Variants in GRIK2 observed in about 807,000 individuals in gnomAD.
GRIK2 encodes the protein glutamate receptor ionotropic, kainate 2.
GRIK2 carries 32 observed loss-of-function variants against 100.3 expected under a neutral mutation model. The ratio of observed to expected loss-of-function variants is 0.32; its 90% CI spans 0.24 to 0.43. The LOEUF is 0.43. Ranked by LOEUF, GRIK2 falls within the 20% of genes least tolerant of loss-of-function variation. The pLI, the probability that GRIK2 is intolerant of heterozygous loss-of-function variation, is 1.00. For missense variants in GRIK2, 843 were observed against 1,114.9 expected (o/e 0.76, Z 3.47); for synonymous variants, 417 against 389.4 (o/e 1.07, Z -0.83).
intron 12 of GRIK2, among the ~76,000 whole-genome samples, chr6:101,922,716 G>A (rs1789638291): frequency 6.6e-6 from 1 of 152,090 alleles, no homozygotes; most frequent in African/African-American, 2.4e-5. Flanking sequence ...GGCTGTGAGG[G>A]ATGGAGATGG....
chr6:102,052,253 C>T lies in GRIK2; in HGVS notation c.2312-3077C>T, dbSNP rs1001520406. ...CTTGTCCTTTTAAAAAATACTTAAACTAGATCAATGATGGAAGGACAAGTA... is the reference window on the plus strand; with the variant it reads ...CTTGTCCTTTTAAAAAATACTTAAATTAGATCAATGATGGAAGGACAAGTA... On this transcript the variant is annotated intron_variant, in intron 15 of 16. Coordinates refer to ENST00000369134, the MANE Select transcript of GRIK2 (RefSeq NM_021956.5). Among the ~76,000 whole-genome samples, 5 of 152,192 alleles carry T rather than the reference C, an allele frequency of 3.3e-5. No homozygotes were observed. In the South Asian group the frequency reaches 8.3e-4, roughly 25 times the overall value.
intron 2 of GRIK2, among the ~76,000 whole-genome samples, chr6:101,479,249 T>G (rs976677765): frequency 6.6e-6 from 1 of 152,226 alleles, no homozygotes; most frequent in Non-Finnish European, 1.5e-5. Context: ...CTGTACCATT[T>G]AGTCTAACTT....
At chr6:101,961,712 C>A (rs1431548556) in intron 14 of GRIK2, among the ~76,000 whole-genome samples, 1 of 152,070 alleles carries the variant, frequency 6.6e-6, no homozygotes, top group Non-Finnish European at 1.5e-5. Flanking sequence ...GGCACTTCGG[C>A]ATGTGACACT....
intron 2 of GRIK2, among the ~76,000 whole-genome samples, chr6:101,547,034 T>G (rs1562216665): frequency 6.8e-6 from 1 of 147,498 alleles, no homozygotes; most frequent in Non-Finnish European, 1.5e-5. Flanking sequence ...GGTTTCACCG[T>G]TTTAGCCGGG....
At chr6:101,807,132 CACAGT>C (rs1238716215) in intron 9 of GRIK2, among the ~76,000 whole-genome samples, 1 of 151,938 alleles carries the variant, frequency 6.6e-6, no homozygotes, top group East Asian at 1.9e-4. Flanking sequence ...TTTCCTGTAG[CACAGT>C]TTGTTGCTTT....
intron 2 of GRIK2, among the ~76,000 whole-genome samples, chr6:101,617,878 A>G (rs945224921): frequency 3.1e-4 from 47 of 151,690 alleles, no homozygotes; most frequent in African/African-American, 1.1e-3. Context: ...AAATGTGTGT[A>G]TATATGTGTG....
chr6:101,834,967 C>A (rs377318138), intron 10 of GRIK2, among the ~76,000 whole-genome samples: 26 of 152,244 alleles, frequency 1.7e-4, no homozygotes, highest in South Asian at 8.3e-4. Context: ...CTTATCACTG[C>A]ACTCCAGCCT....
At chr6:101,956,148 T>G (rs558719076) in intron 14 of GRIK2, among the ~76,000 whole-genome samples, 1 of 152,262 alleles carries the variant, frequency 6.6e-6, no homozygotes, top group East Asian at 1.9e-4. Flanking sequence ...TCTTTTATCT[T>G]TAAATTACTA....
chr6:101,832,764 C>T (rs976307067), intron 10 of GRIK2, among the ~76,000 whole-genome samples: 4 of 151,994 alleles, frequency 2.6e-5, no homozygotes, highest in Non-Finnish European at 5.9e-5. Flanking sequence ...ATACAGGTGC[C>T]CATTATTATA....
chr6:102,061,191 T>G (rs568679455), intron 16 of GRIK2, among the ~76,000 whole-genome samples: 3 of 150,620 alleles, frequency 2.0e-5, no homozygotes, highest in Non-Finnish European at 4.5e-5. Context: ...TAACCCATAC[T>G]CTTTGTATCC....
intron 7 of GRIK2, among the ~76,000 whole-genome samples, chr6:101,722,402 C>T (rs1774547855): frequency 6.6e-6 from 1 of 151,926 alleles, no homozygotes. Context: ...ACTTTCAGAT[C>T]CAAGTAATAC....
chr6:101,479,024 C>A (rs1377694697), intron 2 of GRIK2, among the ~76,000 whole-genome samples: 3 of 152,078 alleles, frequency 2.0e-5, no homozygotes, highest in Admixed American at 2.0e-4. Context: ...ACACAACTGG[C>A]ATGTGGAAAA....
intron 2 of GRIK2, among the ~76,000 whole-genome samples, chr6:101,465,092 T>C (rs79518764): frequency 0.099 from 15,025 of 152,230 alleles, 789 homozygotes; most frequent in South Asian, 0.11. Context: ...TTGGATAATT[T>C]TTTTTGCCTG....
chr6:101,922,467 A>G (rs1282355846), intron 12 of GRIK2, among the ~76,000 whole-genome samples: 2 of 152,214 alleles, frequency 1.3e-5, no homozygotes, highest in Non-Finnish European at 2.9e-5. Context: ...GTTAATAGCT[A>G]ATATACTTTT....
At chr6:101,452,412 T>G (rs528412043) in intron 2 of GRIK2, among the ~76,000 whole-genome samples, 1 of 151,568 alleles carries the variant, frequency 6.6e-6, no homozygotes, top group East Asian at 1.9e-4. Flanking sequence ...ACATCGCTGT[T>G]TAATTGCTCT....
intron 14 of GRIK2, among the ~76,000 whole-genome samples, chr6:101,961,673 G>A (rs771460960): frequency 2.0e-5 from 3 of 152,100 alleles, no homozygotes; most frequent in Non-Finnish European, 4.4e-5. Context: ...GCAGAGGAGA[G>A]TGCACACTCC....
chr6:101,588,194 A>G (rs541967025), intron 2 of GRIK2, among the ~76,000 whole-genome samples: 1 of 152,256 alleles, frequency 6.6e-6, no homozygotes, highest in East Asian at 1.9e-4. Flanking sequence ...CTATGAAGCT[A>G]ATAGAGTGGA....
chr6:102,003,078 C>T (rs919266745), intron 14 of GRIK2, among the ~76,000 whole-genome samples: 1 of 151,230 alleles, frequency 6.6e-6, no homozygotes, highest in Non-Finnish European at 1.5e-5. Context: ...ATTTCAGAAA[C>T]CTAGAATATT....
At chr6:101,532,240 C>A (rs1775477843) in intron 2 of GRIK2, among the ~76,000 whole-genome samples, 1 of 151,958 alleles carries the variant, frequency 6.6e-6, no homozygotes, top group African/African-American at 2.4e-5. Flanking sequence ...CTATAATGCT[C>A]TTTCTTCTAT....
Sources: allele counts gnomAD v4.1 joint callset (sites outside exome capture counted in the v4.1 genomes callset), GRCh38; gene constraint gnomAD v4.1.1; transcripts MANE v1.5; gene names NCBI Gene and HGNC (gene_info 2026-07-23, HGNC 2026-07-21).